Variants in ACP3 observed in about 807,000 individuals in gnomAD.
ACP3 encodes prostatic acid phosphatase.
A neutral mutation model predicts 45.6 loss-of-function variants in ACP3; 38 were observed. The ratio of observed to expected loss-of-function variants is 0.83; its 90% CI spans 0.64 to 1.09. ACP3 has a LOEUF of 1.09. ACP3 is among the 50% of genes least tolerant of loss of function. The probability of loss-of-function intolerance (pLI) is 0.00; values close to 1 mark genes in which losing one functional copy is unlikely to be tolerated. For missense variants in ACP3, 466 were observed against 463.2 expected, an observed-to-expected ratio of 1.01 and a Z score of -0.05; for synonymous variants, 162 against 164.7, an observed-to-expected ratio of 0.98 and a Z score of 0.13.
At chr3:132,342,730 C>T (rs1576419185) in intron 6 of ACP3, 86 bp downstream of exon 6, 9 of 816,198 alleles carry the variant, frequency 1.1e-5, no homozygotes, top group Non-Finnish European at 1.3e-5. Context: ...TCTTTTCTTT[C>T]ACTTCTTTAT....
At chr3:132,350,745 T>C (rs2107813501) in intron 8 of ACP3, among the ~76,000 whole-genome samples, 1 of 152,254 alleles carries the variant, frequency 6.6e-6, no homozygotes, top group South Asian at 2.1e-4. Context: ...CTTTGTTTAA[T>C]TGTAGAAAGA....
At chr3:132,341,966 C>A (rs1184128926) in intron 5 of ACP3, among the ~76,000 whole-genome samples, 2 of 152,180 alleles carry the variant, frequency 1.3e-5, no homozygotes, top group South Asian at 2.1e-4. Flanking sequence ...CATACAGAAC[C>A]TAGCGAAAGA....
chr3:132,349,615 G>T (rs1937672646), intron 7 of ACP3, among the ~76,000 whole-genome samples: 1 of 152,082 alleles, frequency 6.6e-6, no homozygotes, highest in South Asian at 2.1e-4. Flanking sequence ...ACAAAACCCG[G>T]TATGGTAGAG....
At chr3:132,360,417 A>C (rs1366371755), downstream of ACP3, among the ~76,000 whole-genome samples, 3 of 152,042 alleles carry the variant, frequency 2.0e-5, no homozygotes, top group Non-Finnish European at 4.4e-5. Context: ...CTATATATGC[A>C]AGATACTTTG....
rs141708902 is a variant in ACP3, at chr3:132,344,948, C to A, written c.670C>A (p.Pro224Thr). Reference protein sequence around the residue: ...YCESVHNFTLPSWATEDTMTK... With the variant: ...YCESVHNFTLTSWATEDTMTK... ...ACAGAGTGTTCACAATTTCACTTTA[C>A]CCTCCTGGGCCACTGAGGACACCAT... Residue 224 changes from proline (P) to threonine (T), a missense_variant, in exon 7 of 10, where the codon CCC (proline) becomes ACC (threonine). Coordinates refer to ENST00000336375, the MANE Select transcript of ACP3 (RefSeq NM_001099.5). 9.3e-6 allele frequency: 15 copies of A among 1,613,714 alleles called. No homozygotes were observed. In the African/African-American group the frequency reaches 1.7e-4, roughly 19 times the overall value.
chr3:132,319,962 C>T (rs1216730839), intron 1 of ACP3, among the ~76,000 whole-genome samples: 1 of 152,142 alleles, frequency 6.6e-6, no homozygotes, highest in Non-Finnish European at 1.5e-5. Flanking sequence ...GGAAACTGTC[C>T]TTGGTTCTTG....
intron 8 of ACP3, among the ~76,000 whole-genome samples, chr3:132,352,005 A>T (rs981905981): frequency 2.6e-5 from 4 of 152,144 alleles, no homozygotes; most frequent in Non-Finnish European, 5.9e-5. Flanking sequence ...TTCTTCCACA[A>T]CTTTAAATCA....
At chr3:132,319,496 A>G (rs1461010710) in intron 1 of ACP3, among the ~76,000 whole-genome samples, 1 of 152,274 alleles carries the variant, frequency 6.6e-6, no homozygotes, top group East Asian at 1.9e-4. Context: ...AGGTCGTTAA[A>G]TAAAATATGG....
chr3:132,362,406 G>T (rs1938057135), downstream of ACP3, among the ~76,000 whole-genome samples: 1 of 152,110 alleles, frequency 6.6e-6, no homozygotes. Flanking sequence ...TATTTAATAA[G>T]CAATAGATTT....
chr3:132,360,128 G>A (rs1938012667), downstream of ACP3, among the ~76,000 whole-genome samples: 1 of 152,170 alleles, frequency 6.6e-6, no homozygotes, highest in Non-Finnish European at 1.5e-5. Flanking sequence ...CCTGAGGTAA[G>A]AAGTGCCCAT....
intron 4 of ACP3, chr3:132,333,286 G>A (rs578064506): frequency 6.6e-6 from 1 of 152,614 alleles, no homozygotes; most frequent in Non-Finnish European, 1.5e-5. Flanking sequence ...AATCTTTTCA[G>A]AGGAATGGGT....
rs373611124 is a variant in ACP3 at position 132,367,881 on chromosome 3, G to A, written c.*59G>A. On this transcript the variant is annotated 3_prime_UTR_variant, in exon 11 of 11. Transcript: ENST00000351273. ...TGACACAGCATCTCTCAGTGGTGCC[G>A]CATCTAAAGGACAGGCTTTTGCCAT... 990 of 1,242,248 alleles carry A rather than the reference G, an allele frequency of 8.0e-4. 7 individuals carry two copies. The highest frequency in any genetic ancestry group is 6.6e-3 in the South Asian group (551 of 83,110). 77.0% of individuals were successfully genotyped at this position (1,242,248 alleles called of 1,614,324 possible).
chr3:132,356,828 G>A lies in ACP3; in HGVS notation c.1111G>A (p.Glu371Lys). The A allele has an allele frequency of 6.2e-7, 1 of 1,614,160 alleles. No homozygotes were observed. Among genetic ancestry groups the A allele is most frequent in the African/African-American group, 1.3e-5 (1 of 75,028 alleles). The change falls in exon 10 of 10, where the codon GAG becomes AAG. Residue 371 changes from glutamate (E) to lysine (K), a missense_variant. Coordinates refer to ENST00000336375, the MANE Select transcript of ACP3 (RefSeq NM_001099.5). ...GPVIPQDWST[E>K]CMTTNSHQGT... is the part of the protein sequence containing the mutation. Reference sequence around the variant, plus strand: ...TGTGATCCCTCAAGACTGGTCCACGGAGTGTATGACCACAAACAGCCATCA... The same window carrying A: ...TGTGATCCCTCAAGACTGGTCCACGAAGTGTATGACCACAAACAGCCATCA...
intron 7 of ACP3, among the ~76,000 whole-genome samples, chr3:132,346,651 G>T (rs1937611944): frequency 6.6e-6 from 1 of 152,130 alleles, no homozygotes; most frequent in Admixed American, 6.5e-5. Context: ...GATGTAGAGG[G>T]TGCCTTGGAA....
chr3:132,360,047 T>G (rs541292798), downstream of ACP3, among the ~76,000 whole-genome samples: 11 of 152,296 alleles, frequency 7.2e-5, no homozygotes, highest in East Asian at 2.1e-3. Flanking sequence ...CAGTATGATC[T>G]TAAAGAGGGA....
intron 10 of ACP3, among the ~76,000 whole-genome samples, chr3:132,364,594 T>C (rs1285712644): frequency 6.6e-6 from 1 of 152,242 alleles, no homozygotes; most frequent in Non-Finnish European, 1.5e-5. Flanking sequence ...TCTCTTTGTT[T>C]CAATAGCATT....
rs759194452 is a variant in ACP3 at position 132,357,282 on chromosome 3, C to CA, written c.*413dup. 86 of 976,734 alleles carry CA rather than the reference C, an allele frequency of 8.8e-5. No individual in the cohort carries two copies. The highest frequency in any genetic ancestry group is 5.3e-4 in the Middle Eastern group (1 of 1,902). The allele number at this position is 976,734 out of a possible 1,614,324, so 60.5% of individuals were successfully genotyped here. ...TAAATGTCTGAAATGGAACAGATTT[C>CA]AAAAAAAAACCCCACAATCTAGGAT... On this transcript the variant is annotated 3_prime_UTR_variant, in exon 10 of 10. Transcript: ENST00000336375.
intron 5 of ACP3, among the ~76,000 whole-genome samples, chr3:132,341,089 G>T (rs185859966): frequency 6.6e-6 from 1 of 151,992 alleles, no homozygotes; most frequent in East Asian, 1.9e-4. Context: ...TTTGTTTCAG[G>T]TTTACAGTAT....
At position 132,357,691 on chromosome 3, in the gene ACP3, C is replaced by T. The variant is rs1385774134; in HGVS notation, c.*813C>T. 3.0e-5 allele frequency: 30 copies of T among 985,198 alleles called. No homozygotes were observed. Among genetic ancestry groups the T allele is most frequent in the Non-Finnish European group, 3.6e-5 (30 of 829,930 alleles). 61.0% of individuals were successfully genotyped at this position (985,198 alleles called of 1,614,324 possible). On this transcript the variant is annotated 3_prime_UTR_variant, in exon 10 of 10. Coordinates refer to ENST00000336375, the MANE Select transcript of ACP3 (RefSeq NM_001099.5). ...CAACACATCAGGAAAGAGAGCACCACGTGATGGAGTTTCTCTAGAAGCTCC... is the reference window on the plus strand; with the variant it reads ...CAACACATCAGGAAAGAGAGCACCATGTGATGGAGTTTCTCTAGAAGCTCC...
Sources: gnomAD v4.1 joint callset for allele counts (sites outside exome capture counted in the v4.1 genomes callset) on GRCh38, gnomAD v4.1.1 for gene constraint, MANE v1.5 for transcripts, NCBI Gene and HGNC (gene_info 2026-07-23, HGNC 2026-07-21) for gene names.